The following LHPP variants were observed in gnomAD, a reference collection of about 807,000 sequenced individuals.
LHPP encodes the protein phospholysine phosphohistidine inorganic pyrophosphate phosphatase.
LHPP carries 24 observed loss-of-function variants against 30.3 expected under a neutral mutation model. That is an observed-to-expected ratio of 0.79 (90% CI 0.57 to 1.11). LHPP has a LOEUF of 1.11. Ranked by LOEUF, LHPP falls within the 50% of genes most tolerant of loss-of-function variation. The probability of loss-of-function intolerance (pLI) is 0.00; values close to 1 mark genes in which losing one functional copy is unlikely to be tolerated. For missense variants in LHPP, 356 were observed against 367.2 expected (o/e 0.97, Z 0.25); for synonymous variants, 150 against 157.1 (o/e 0.95, Z 0.34).
chr10:124,466,809 A>G (rs1952563520), intron 1 of LHPP, among the ~76,000 whole-genome samples: 1 of 152,094 alleles, frequency 6.6e-6, no homozygotes, highest in Admixed American at 6.6e-5. Flanking sequence ...TCTATTCAAA[A>G]TATTACAATT....
At chr10:124,584,383 AAAAG>A (rs1488641002) in intron 6 of LHPP, among the ~76,000 whole-genome samples, 4 of 151,934 alleles carry the variant, frequency 2.6e-5, no homozygotes, top group African/African-American at 9.7e-5. Context: ...AAAAAAAAGA[AAAAG>A]AACAGCAATT....
At chr10:124,589,625 G>A (rs537922022) in intron 6 of LHPP, among the ~76,000 whole-genome samples, 3 of 152,292 alleles carry the variant, frequency 2.0e-5, no homozygotes, top group South Asian at 4.1e-4. Flanking sequence ...GAGCTCACCC[G>A]GCCCCAGCTT....
intron 6 of LHPP, among the ~76,000 whole-genome samples, chr10:124,543,965 A>G (rs1375432635): frequency 6.6e-6 from 1 of 152,262 alleles, no homozygotes; most frequent in Admixed American, 6.5e-5. Flanking sequence ...CTGTGGTTGT[A>G]GAGTTAAGCT....
intron 6 of LHPP, among the ~76,000 whole-genome samples, chr10:124,563,916 GA>G (rs1948444124): frequency 6.6e-6 from 1 of 152,016 alleles, no homozygotes; most frequent in South Asian, 2.1e-4. Flanking sequence ...TGGCAGTGGG[GA>G]GTTGGAATGG....
At chr10:124,555,019 G>T (rs993921233) in intron 6 of LHPP, among the ~76,000 whole-genome samples, 2 of 152,218 alleles carry the variant, frequency 1.3e-5, no homozygotes, top group African/African-American at 4.8e-5. Context: ...TCTCACTTTA[G>T]GGTGAGGAAA....
chr10:124,610,099 G>A (rs1589719012), intron 6 of LHPP, among the ~76,000 whole-genome samples: 1 of 152,216 alleles, frequency 6.6e-6, no homozygotes, highest in East Asian at 1.9e-4. Flanking sequence ...TCGTGGTGAT[G>A]CCGAGTCCAT....
rs555773361 is a variant in LHPP at position 124,602,087 on chromosome 10, G to A, written c.717-11177G>A. Reference sequence around the variant, plus strand: ...GCCTACAGGCCTCCGGGTCTAGCCAGAGTCAACCAGCCCACCAGAGACACC... The same window carrying A: ...GCCTACAGGCCTCCGGGTCTAGCCAAAGTCAACCAGCCCACCAGAGACACC... On this transcript the variant is annotated intron_variant, in intron 6 of 6. Transcript: ENST00000368842. 2.0e-5 allele frequency among the ~76,000 whole-genome samples: 3 copies of A among 152,330 alleles called. No homozygotes were observed. In the East Asian group the frequency reaches 5.8e-4, roughly 29 times the overall value.
At chr10:124,483,187 G>A (rs969330729) in intron 1 of LHPP, among the ~76,000 whole-genome samples, 2 of 152,190 alleles carry the variant, frequency 1.3e-5, no homozygotes, top group African/African-American at 4.8e-5. Context: ...TCCACGTCCT[G>A]TCTGTCCATC....
intron 6 of LHPP, among the ~76,000 whole-genome samples, chr10:124,599,612 C>T (rs1489058067): frequency 6.6e-6 from 1 of 152,228 alleles, no homozygotes; most frequent in South Asian, 2.1e-4. Flanking sequence ...CCAAGTCCCA[C>T]GTGTCACTGG....
Position 124,496,865 on chromosome 10 carries a change from C to T in LHPP, c.468-96C>T, listed in dbSNP as rs576088494. On this transcript the variant is annotated intron_variant, in intron 3 of 6. Transcript: ENST00000368842. This position sits in a 1 kb window ranked among gnomAD's most constrained non-coding sequence, Gnocchi z 4.3. ...CTCAGCCGCGGCTTGGCTCTGCAGC[C>T]AGCGGGACAGGCCCGGTGCTCAGCT... 117 of 1,117,268 alleles carry T rather than the reference C, an allele frequency of 1.0e-4. No individual in the cohort carries two copies. The Middle Eastern group carries it at 1.1e-3, about 10-fold the overall frequency. 69.2% of individuals were successfully genotyped at this position (1,117,268 alleles called of 1,614,324 possible). A position where few individuals can be genotyped will look rare whatever the true frequency, so the allele number is the denominator to read the frequency against.
At chr10:124,600,478 C>G (rs542140673) in intron 6 of LHPP, among the ~76,000 whole-genome samples, 4 of 152,356 alleles carry the variant, frequency 2.6e-5, no homozygotes, top group Admixed American at 2.0e-4. Context: ...GCCCACACCT[C>G]TCAGTCTGGA....
intron 6 of LHPP, among the ~76,000 whole-genome samples, chr10:124,540,228 G>A (rs1564818598): frequency 1.3e-5 from 2 of 152,190 alleles, no homozygotes; most frequent in African/African-American, 4.8e-5. Context: ...GTGGCCTCCC[G>A]AGACAAGGAG....
chr10:124,599,337 A>G (rs1948993439), intron 6 of LHPP, among the ~76,000 whole-genome samples: 2 of 151,326 alleles, frequency 1.3e-5, no homozygotes, highest in South Asian at 4.2e-4. Flanking sequence ...GACCTGCACC[A>G]TCTCGGTGAA....
At chr10:124,503,051 G>C (rs1474350905) in intron 5 of LHPP, among the ~76,000 whole-genome samples, 1 of 151,362 alleles carries the variant, frequency 6.6e-6, no homozygotes, top group African/African-American at 2.4e-5. Context: ...TCTAATTTTG[G>C]CATCTCTTGA....
At chr10:124,562,799 G>A (rs945015914) in intron 6 of LHPP, among the ~76,000 whole-genome samples, 3 of 152,020 alleles carry the variant, frequency 2.0e-5, no homozygotes, top group Non-Finnish European at 4.4e-5. Flanking sequence ...AGGCATGATG[G>A]TGCTCGCCTG....
intron 6 of LHPP, among the ~76,000 whole-genome samples, chr10:124,601,110 A>T (rs1163567336): frequency 6.6e-6 from 1 of 152,078 alleles, no homozygotes; most frequent in Non-Finnish European, 1.5e-5. Flanking sequence ...AGGGAGCTAA[A>T]GCTTTAGGGC....
chr10:124,467,631 T>C (rs1231594300), intron 1 of LHPP, among the ~76,000 whole-genome samples: 1 of 151,458 alleles, frequency 6.6e-6, no homozygotes, highest in African/African-American at 2.4e-5. Context: ...AAAAAATCTT[T>C]CTACCCAAGT....
At chr10:124,605,850 AG>A (rs1167547284) in intron 6 of LHPP, among the ~76,000 whole-genome samples, 1 of 139,834 alleles carries the variant, frequency 7.2e-6, no homozygotes, top group African/African-American at 2.7e-5. Flanking sequence ...GTGGAGGGGG[AG>A]GGGGAAGGGG....
chr10:124,530,020 C>A (rs1372355255), intron 6 of LHPP, among the ~76,000 whole-genome samples: 1 of 152,204 alleles, frequency 6.6e-6, no homozygotes, highest in Non-Finnish European at 1.5e-5. Context: ...AGGGCCCAGG[C>A]CACCCGCATG....
Sources: allele counts gnomAD v4.1 joint callset (sites outside exome capture counted in the v4.1 genomes callset), GRCh38; gene constraint gnomAD v4.1.1; non-coding constraint Gnocchi (gnomAD v3.1); transcripts MANE v1.5; gene names NCBI Gene and HGNC (gene_info 2026-07-23, HGNC 2026-07-21).